MRI1: variants seen among roughly 807,000 people sequenced by gnomAD.
The protein encoded by MRI1 is methylthioribose-1-phosphate isomerase 1.
Under a neutral mutation model 27.3 loss-of-function variants are expected in MRI1, and 32 were observed. The ratio of observed to expected loss-of-function variants is 1.17; its 90% CI spans 0.88 to 1.57. The LOEUF (loss-of-function observed/expected upper bound fraction) is 1.57. Ranked by LOEUF, MRI1 falls within the 40% of genes most tolerant of loss-of-function variation. The probability of loss-of-function intolerance (pLI) is 0.00; values close to 1 mark genes in which losing one functional copy is unlikely to be tolerated. For synonymous variants in MRI1, 216 were observed against 227.4 expected (o/e 0.95, Z 0.45); for missense variants, 508 against 516.1 (o/e 0.98, Z 0.15).
Position 13,772,149 on chromosome 19 carries a change from T to C in MRI1, c.978T>C (p.Asp326=), listed in dbSNP as rs756157575. Residue 326 remains aspartate (D), a synonymous_variant, in exon 6 of 6, where the codon GAT becomes GAC. Coordinates refer to ENST00000040663, the MANE Select transcript of MRI1 (RefSeq NM_001031727.4). Reference sequence around the variant, plus strand: ...TTGGAGTTTGGAATCCTGCCTTCGATGTCACCCCCCACGACCTCATCACTG... The same window carrying C: ...TTGGAGTTTGGAATCCTGCCTTCGACGTCACCCCCCACGACCTCATCACTG... ...PGIGVWNPAF[D]VTPHDLITGG... The C allele has an allele frequency of 3.7e-6, 6 of 1,613,488 alleles. No homozygotes were observed. Among genetic ancestry groups the C allele is most frequent in the Admixed American group, 1.7e-5 (1 of 59,926 alleles).
rs1974316331 is a variant in MRI1, at chr19:13,773,582, T to C, written c.*1301T>C. 6.5e-6 allele frequency: 1 copy of C among 153,710 alleles called. No homozygotes were observed. Among genetic ancestry groups the C allele is most frequent in the Admixed American group, 6.6e-5 (1 of 15,230 alleles). The allele number at this position is 153,710 out of a possible 1,614,324, so 9.5% of individuals were successfully genotyped here. ...AGTTCAAGGATGCAGTGTGCTTTGA[T>C]TGCACTACTGCACTTCACCCTAAGC... On this transcript the variant is annotated 3_prime_UTR_variant, in exon 6 of 6. Transcript: ENST00000040663.
Position 13,768,850 on chromosome 19 carries a change from G to T in MRI1, c.751G>T (p.Val251Phe). The T allele has an allele frequency of 6.2e-7, 1 of 1,610,616 alleles. No individual in the cohort carries two copies. The highest frequency in any genetic ancestry group is 8.5e-7 in the Non-Finnish European group (1 of 1,177,560). ...SAVVVGADRVVANGDTANKVG... is the reference protein window; with the variant it reads ...SAVVVGADRVFANGDTANKVG... ...TGTGGTCGTGGGAGCTGACCGCGTGGTTGCCAACGGCGACACAGCCAACAA... is the reference window on the plus strand; with the variant it reads ...TGTGGTCGTGGGAGCTGACCGCGTGTTTGCCAACGGCGACACAGCCAACAA... Residue 251 changes from valine to phenylalanine, a missense_variant, in exon 5 of 6, where the codon GTT becomes TTT. Transcript: ENST00000040663.
Position 13,769,064 on chromosome 19 carries a change from A to T in MRI1, c.949+16A>T. The T allele has an allele frequency of 6.3e-7, 1 of 1,588,704 alleles. No homozygotes were observed. The highest frequency in any genetic ancestry group is 8.6e-7 in the Non-Finnish European group (1 of 1,163,328). The stretch of plus-strand genomic sequence containing the variant: ...GCAGCACCTGGTAAGCTGCCCCCTC[A>T]GAAAGGGGACACCCCAGCTCCTGGG... On this transcript the variant is annotated intron_variant, in intron 5 of 5. Transcript: ENST00000040663.
At position 13,772,390 on chromosome 19, in the gene MRI1, G is replaced by A; in HGVS notation, c.*109G>A. On this transcript the variant is annotated 3_prime_UTR_variant, in exon 6 of 6. Transcript: ENST00000040663. ...CTGACCACACTTGTTCCTAGTGCAG[G>A]GAGCTCAGACAGGGCCTTCCATCTA... is the stretch of plus-strand genomic sequence containing the variant. 8.9e-7 allele frequency: 1 copy of A among 1,125,132 alleles called. No individual in the cohort carries two copies. The highest frequency in any genetic ancestry group is 1.6e-5 in the African/African-American group (1 of 62,998). The allele number at this position is 1,125,132 out of a possible 1,614,324, so 69.7% of individuals were successfully genotyped here.
chr19:13,772,058 A>G (rs1420976342), intron 5 of MRI1, 63 bp from the exon 6 acceptor site: 2 of 1,494,492 alleles, frequency 1.3e-6, no homozygotes, highest in South Asian at 1.3e-5. Flanking sequence ...ACAGATGACT[A>G]CAACCTGAGA....
rs774677119 is a variant in MRI1, at chr19:13,766,045, G to T, written c.463G>T (p.Val155Leu). Residue 155 changes from valine (V) to leucine (L), a missense_variant, in exon 3 of 6, where the codon GTG (valine) becomes TTG (leucine). This residue lies in a region of MRI1 where 457 missense variants were observed against 452.8 expected (regional missense o/e 1.01). Transcript: ENST00000040663. ...AGGAGCCCGCCACCTCCTGGAGCGG[G>T]TGGCCCCCAGCGGTGGCAAGGTGAC... ...DLGARHLLER[V>L]APSGGKVTVL... 2 of 1,613,160 alleles carry T rather than the reference G, an allele frequency of 1.2e-6. No individual in the cohort carries two copies. The highest frequency in any genetic ancestry group is 1.7e-6 in the Non-Finnish European group (2 of 1,179,842).
rs1462697972 is a variant in MRI1 at position 13,773,183 on chromosome 19, A to G, written c.*902A>G. The stretch of plus-strand genomic sequence containing the variant: ...GCCACCATGCCCAGCTAATTTTTCT[A>G]TTTTTAGTAGAGACATGATTTCACC... On this transcript the variant is annotated 3_prime_UTR_variant, in exon 6 of 6. Coordinates refer to ENST00000040663, the MANE Select transcript of MRI1 (RefSeq NM_001031727.4). 6.6e-6 allele frequency: 1 copy of G among 151,772 alleles called. No homozygotes were observed. The highest frequency in any genetic ancestry group is 2.4e-5 in the African/African-American group (1 of 41,308). The allele number at this position is 151,772 out of a possible 1,614,324, so 9.4% of individuals were successfully genotyped here.
chr19:13,767,639 T>TGCA (rs2145196391), intron 3 of MRI1, among the ~76,000 whole-genome samples: 1 of 108,702 alleles, frequency 9.2e-6, no homozygotes, highest in African/African-American at 4.1e-5. Flanking sequence ...ACCCCATCTC[T>TGCA]ACAAAAAATA....
rs1368081790 is a variant in MRI1, at chr19:13,772,270, C to T, written c.1099C>T (p.Pro367Ser). 1 of 1,612,772 alleles carries T rather than the reference C, an allele frequency of 6.2e-7. No individual in the cohort carries two copies. The highest frequency in any genetic ancestry group is 8.5e-7 in the Non-Finnish European group (1 of 1,179,402). Residue 367 changes from proline (P) to serine (S), a missense_variant, in exon 6 of 6, where the codon CCC becomes TCC. Physicochemically the swap from Pro to Ser is moderately conservative, Grantham distance 74. Around this residue, in one of 3 missense-constraint regions of MRI1, gnomAD observed 457 missense variants for 452.8 expected, o/e 1.01. Transcript: ENST00000040663. ...ISSRDGTLDG[P>S]QM ...TTCCAGGGATGGAACCCTAGATGGA[C>T]CCCAGATGTAACCAACTCAGCTCTC... is the stretch of plus-strand genomic sequence containing the variant.
rs768354051 is a variant in MRI1 at position 13,772,301 on chromosome 19, C to T, written c.*20C>T. ...ATGTAACCAACTCAGCTCTCCCTAG[C>T]CTGCCTCTCTAGGTTTTTCAATACA... On this transcript the variant is annotated 3_prime_UTR_variant, in exon 6 of 6. Transcript: ENST00000040663. 1 of 1,602,234 alleles carries T rather than the reference C, an allele frequency of 6.2e-7. No individual in the cohort carries two copies. The highest frequency in any genetic ancestry group is 1.1e-5 in the South Asian group (1 of 89,992).
chr19:13,773,458 C>G lies in MRI1; in HGVS notation c.*1177C>G, dbSNP rs576829165. The G allele has an allele frequency of 6.6e-6, 1 of 152,054 alleles. No individual in the cohort carries two copies. Among genetic ancestry groups the G allele is most frequent in the African/African-American group, 2.4e-5 (1 of 41,412 alleles). 9.4% of individuals were successfully genotyped at this position (152,054 alleles called of 1,614,324 possible). Reference sequence around the variant, plus strand: ...TTTGGGTAACATAGGAAGAGCTTGTCTCTACAAACAAAAATTTAAAAACAA... The same window carrying G: ...TTTGGGTAACATAGGAAGAGCTTGTGTCTACAAACAAAAATTTAAAAACAA... On this transcript the variant is annotated 3_prime_UTR_variant, in exon 6 of 6. Coordinates refer to ENST00000040663, the MANE Select transcript of MRI1 (RefSeq NM_001031727.4).
chr19:13,770,895 AG>A (rs1163933684), intron 5 of MRI1, among the ~76,000 whole-genome samples: 12 of 151,638 alleles, frequency 7.9e-5, no homozygotes, highest in African/African-American at 2.7e-4. Context: ...AAGAAAAAAA[AG>A]AAAAAACAGT....
intron 3 of MRI1, among the ~76,000 whole-genome samples, chr19:13,767,994 G>A (rs548287790): frequency 1.3e-5 from 2 of 148,888 alleles, no homozygotes; most frequent in African/African-American, 4.9e-5. Flanking sequence ...TCCGCCTCTC[G>A]AGTAGCTGGG....
intron 5 of MRI1, 45 bp downstream of exon 5, chr19:13,769,093 T>G: frequency 2.0e-6 from 3 of 1,496,350 alleles, no homozygotes; most frequent in Non-Finnish European, 2.7e-6. Context: ...TCCTGGGCAC[T>G]TCATGGAGGC....
chr19:13,767,035 ATATTTTTTTTTTT>A (rs1322845859), intron 3 of MRI1, among the ~76,000 whole-genome samples: 4 of 18,510 alleles, frequency 2.2e-4, no homozygotes, highest in African/African-American at 1.2e-3. Flanking sequence ...ATATATATAT[ATATTTTTTTTTTT>A]TTTTTTTTTT....
chr19:13,765,151 A>C, intron 2 of MRI1, 42 bp downstream of exon 2: 1 of 1,431,068 alleles, frequency 7.0e-7, no homozygotes, highest in Non-Finnish European at 9.3e-7. Context: ...AGCAGGAATT[A>C]TATTGACTCT....
chr19:13,764,557 C>T lies in MRI1; in HGVS notation c.-32C>T, dbSNP rs562232569. The T allele has an allele frequency of 1.9e-5, 31 of 1,600,142 alleles. 1 individual carries two copies. In the South Asian group the frequency reaches 3.1e-4, roughly 16 times the overall value. ...CAAGTGCGCGCGGACCCCTAGCTCC[C>T]TCTGAGTTGCGCTGGGCTTGGCTGC... On this transcript the variant is annotated 5_prime_UTR_variant, in exon 1 of 6. Transcript: ENST00000040663.
chr19:13,765,403 A>G (rs569390047), intron 2 of MRI1, among the ~76,000 whole-genome samples: 42 of 152,018 alleles, frequency 2.8e-4, no homozygotes, highest in African/African-American at 1.0e-3. Flanking sequence ...CCTTTTTAGT[A>G]TCTCCGTGTT....
intron 2 of MRI1, 135 bp from the exon 3 acceptor site, chr19:13,765,819 C>T (rs996818355): frequency 4.8e-5 from 47 of 973,134 alleles, no homozygotes; most frequent in South Asian, 7.4e-5. Context: ...TGGCCCTGGC[C>T]GAAGGGTCCA....
Sources: gnomAD v4.1 joint callset for allele counts (sites outside exome capture counted in the v4.1 genomes callset) on GRCh38, gnomAD v4.1.1 for gene constraint, gnomAD v4.1.1 regional missense constraint, MANE v1.5 for transcripts, NCBI Gene and HGNC (gene_info 2026-07-23, HGNC 2026-07-21) for gene names.